Variants in NOMO1 observed in about 807,000 individuals in gnomAD.
NOMO1 encodes nodal modulator 3.
NOMO1 carries 40 observed loss-of-function variants against 133.8 expected under a neutral mutation model. That is an observed-to-expected ratio of 0.30 (90% CI 0.23 to 0.39). NOMO1 has a LOEUF of 0.39. NOMO1 is among the 10% of genes least tolerant of loss of function. The pLI is 1.00. For missense variants in NOMO1, 462 were observed against 1,419.9 expected, an observed-to-expected ratio of 0.33 and a Z score of 10.84; for synonymous variants, 236 against 570.5, an observed-to-expected ratio of 0.41 and a Z score of 8.36.
At chr16:14,879,271 G>A (rs1240780182) in intron 23 of NOMO1, among the ~76,000 whole-genome samples, 2 of 151,742 alleles carry the variant, frequency 1.3e-5, no homozygotes, top group Non-Finnish European at 2.9e-5. Context: ...GGGGATTCAG[G>A]AAGTGTGTGT....
chr16:14,867,567 C>T lies in NOMO1; in HGVS notation c.1806+876C>T, dbSNP rs376690848. Among the ~76,000 whole-genome samples, 1,110 of 139,684 alleles carry T rather than the reference C, an allele frequency of 7.9e-3. 15 individuals are homozygous for T. The highest frequency in any genetic ancestry group is 0.028 in the African/African-American group (1,059 of 38,294). The allele number at this position is 139,684 out of a possible 152,430, so 91.6% of individuals were successfully genotyped here. On this transcript the variant is annotated intron_variant, in intron 15 of 30. Transcript: ENST00000287667. Reference sequence around the variant, plus strand: ...AAACAGGATCTTAGCTTCTTGTTGACTGTGGTCTCTGTGGCCTGAAAGGCA... The same window carrying T: ...AAACAGGATCTTAGCTTCTTGTTGATTGTGGTCTCTGTGGCCTGAAAGGCA...
chr16:14,869,897 C>T lies in NOMO1; in HGVS notation c.1894+1262C>T, dbSNP rs537005553. ...GGTTCCGGTTTCTTCACCTCCTTCG[C>T]CAACATTTGTTATTGTCTGTTTTAT... On this transcript the variant is annotated intron_variant, in intron 16 of 30. Transcript: ENST00000287667. Among the ~76,000 whole-genome samples, 61 of 148,050 alleles carry T rather than the reference C, an allele frequency of 4.1e-4. 1 individual carries two copies. The highest frequency in any genetic ancestry group is 1.4e-3 in the African/African-American group (58 of 40,222).
chr16:14,846,356 G>A (rs1337482699), intron 4 of NOMO1, among the ~76,000 whole-genome samples: 4 of 149,842 alleles, frequency 2.7e-5, no homozygotes, highest in Non-Finnish European at 5.9e-5. Flanking sequence ...TATAACTGAT[G>A]ATGTCTTAGA....
chr16:14,864,472 T>C, intron 12 of NOMO1, 113 bp from the exon 13 acceptor site: 1 of 1,537,164 alleles, frequency 6.5e-7, no homozygotes, highest in Non-Finnish European at 8.7e-7. Context: ...AACGAACCTT[T>C]GGCCTTCAAA....
At chr16:14,848,128 A>C (rs539993053) in intron 5 of NOMO1, among the ~76,000 whole-genome samples, 35 of 152,102 alleles carry the variant, frequency 2.3e-4, no homozygotes, top group Non-Finnish European at 3.8e-4. Flanking sequence ...ACAATAAAAT[A>C]CCACAGAAGA....
intron 2 of NOMO1, among the ~76,000 whole-genome samples, chr16:14,839,342 C>T (rs1441092517): frequency 6.6e-6 from 1 of 151,900 alleles, no homozygotes; most frequent in Non-Finnish European, 1.5e-5. Context: ...AGGTGTGAGC[C>T]GATGTTTCCG....
At chr16:14,856,922 G>A (rs1033153042) in intron 9 of NOMO1, among the ~76,000 whole-genome samples, 1 of 151,984 alleles carries the variant, frequency 6.6e-6, no homozygotes, top group African/African-American at 2.4e-5. Flanking sequence ...ATGGCACCGG[G>A]GTAAGGGTGG....
chr16:14,881,401 C>G (rs1458935397), intron 24 of NOMO1, 143 bp from the exon 25 acceptor site: 42 of 1,584,274 alleles, frequency 2.7e-5, no homozygotes, highest in Non-Finnish European at 3.6e-5. Flanking sequence ...GGAAGTGGGC[C>G]GGCCACACTG....
At chr16:14,843,861 CT>C (rs1963642171) in intron 3 of NOMO1, among the ~76,000 whole-genome samples, 1 of 136,698 alleles carries the variant, frequency 7.3e-6, no homozygotes, top group Non-Finnish European at 1.6e-5. Flanking sequence ...AAAACTCAAC[CT>C]TAACCCCTAT....
At chr16:14,884,660 G>C (rs544749573) in intron 27 of NOMO1, among the ~76,000 whole-genome samples, 178 bp downstream of exon 27, 2 of 151,930 alleles carry the variant, frequency 1.3e-5, no homozygotes, top group African/African-American at 4.8e-5. Flanking sequence ...ACCACAACAC[G>C]TATTTGGGAG....
Position 14,872,272 on chromosome 16 carries a change from A to G in NOMO1, c.1997A>G (p.His666Arg). The G allele has an allele frequency of 2.2e-6, 2 of 920,048 alleles. No individual in the cohort carries two copies. The highest frequency in any genetic ancestry group is 3.3e-4 in the Middle Eastern group (1 of 2,998). The allele number at this position is 920,048 out of a possible 1,614,324, so 57.0% of individuals were successfully genotyped here. A position where few individuals can be genotyped will look rare whatever the true frequency, so the allele number is the denominator to read the frequency against. ...ATCTTGACATTGACAGCCATTCGCC[A>G]CCATGTCCTTGGAACTATCACCACC... ...PSILTLTAIR[H>R]HVLGTITTDK... The change falls in exon 18 of 31, where the codon CAC becomes CGC. Residue 666 changes from histidine to arginine, a missense_variant. By Grantham distance (29) the His-to-Arg change is conservative (BLOSUM62 0). Coordinates refer to ENST00000287667, the MANE Select transcript of NOMO1 (RefSeq NM_014287.4).
Position 14,866,564 on chromosome 16 carries a change from T to C in NOMO1, c.1679T>C (p.Met560Thr). 6.2e-7 allele frequency: 1 copy of C among 1,610,220 alleles called. No homozygotes were observed. Among genetic ancestry groups the C allele is most frequent in the Non-Finnish European group, 8.5e-7 (1 of 1,179,740 alleles). ...GTGTTTGCTTTTGCAGTAAGCATCATGCATGAGGATTGGTGCTGGAAGAAC... is the reference window on the plus strand; with the variant it reads ...GTGTTTGCTTTTGCAGTAAGCATCACGCATGAGGATTGGTGCTGGAAGAAC... ...VLPGKYKISIMHEDWCWKNKS... is the reference protein window; with the variant it reads ...VLPGKYKISITHEDWCWKNKS... Residue 560 changes from methionine to threonine, a missense_variant, in exon 15 of 31, where the codon ATG becomes ACG. Met to Thr is a moderately conservative substitution (Grantham distance 81). Coordinates refer to ENST00000287667, the MANE Select transcript of NOMO1 (RefSeq NM_014287.4).
At chr16:14,864,826 C>T in intron 13 of NOMO1, 100 bp downstream of exon 13, 1 of 1,591,648 alleles carries the variant, frequency 6.3e-7, no homozygotes, top group Non-Finnish European at 8.6e-7. Flanking sequence ...TTGTTTGCTA[C>T]TGATCACCTG....
At chr16:14,855,441 C>T (rs1221793960) in intron 9 of NOMO1, among the ~76,000 whole-genome samples, 2 of 151,662 alleles carry the variant, frequency 1.3e-5, no homozygotes, top group Admixed American at 1.3e-4. Flanking sequence ...TTAGAGTTAT[C>T]GAAGCAATTA....
intron 4 of NOMO1, among the ~76,000 whole-genome samples, chr16:14,846,262 A>G (rs1963679611): frequency 6.6e-6 from 1 of 150,864 alleles, no homozygotes; most frequent in East Asian, 1.9e-4. Flanking sequence ...CCTGACCTCA[A>G]GTGGTCTGCC....
intron 6 of NOMO1, among the ~76,000 whole-genome samples, chr16:14,850,156 C>T (rs564224942): frequency 0.01 from 1,547 of 148,566 alleles, 43 homozygotes; most frequent in African/African-American, 0.036. Flanking sequence ...TTGCAACCTC[C>T]GCCTCTTGGG....
chr16:14,881,424 C>T (rs1362720178), intron 24 of NOMO1, 120 bp from the exon 25 acceptor site: 3 of 1,607,834 alleles, frequency 1.9e-6, no homozygotes, highest in Non-Finnish European at 1.7e-6. Context: ...TTGCCTGGGT[C>T]ATTGAGGCAC....
intron 2 of NOMO1, 24 bp from the exon 3 acceptor site, chr16:14,841,338 T>TA: frequency 1.5e-6 from 1 of 646,184 alleles, no homozygotes; most frequent in East Asian, 2.8e-5. Flanking sequence ...TTCTTGAAAT[T>TA]ACATTTTCTT....
At chr16:14,859,093 A>C (rs1255870439) in intron 11 of NOMO1, among the ~76,000 whole-genome samples, 2 of 152,006 alleles carry the variant, frequency 1.3e-5, no homozygotes, top group African/African-American at 4.8e-5. Flanking sequence ...TGTATGTGCA[A>C]GTAGAATTAG....
Sources: gnomAD v4.1 joint callset for allele counts (sites outside exome capture counted in the v4.1 genomes callset) on GRCh38, gnomAD v4.1.1 for gene constraint, MANE v1.5 for transcripts, NCBI Gene and HGNC (gene_info 2026-07-23, HGNC 2026-07-21) for gene names.